The following TENM1 variants were observed in gnomAD, a reference collection of about 807,000 sequenced individuals.
TENM1 encodes the protein teneurin transmembrane protein 1, also known as teneurin-1.
In TENM1, 35 loss-of-function variants were observed where a neutral mutation model predicts 174.8. The ratio of observed to expected loss-of-function variants is 0.20; its 90% CI spans 0.15 to 0.27. The LOEUF is 0.27. Ranked by LOEUF, TENM1 falls within the 10% of genes least tolerant of loss-of-function variation. The probability of loss-of-function intolerance (pLI) is 1.00; values close to 1 mark genes in which losing one functional copy is unlikely to be tolerated. For synonymous variants in TENM1, 781 were observed against 798.7 expected (o/e 0.98, Z 0.37); for missense variants, 1,633 against 2,130.1 (o/e 0.77, Z 4.59).
At chrX:124,463,687 G>A (rs6655792) in intron 22 of TENM1, among the ~76,000 whole-genome samples, 22,573 of 110,637 alleles carry the variant, frequency 0.2, 1,904 homozygotes, top group African/African-American at 0.27. Context: ...TAAAGTTTCC[G>A]TACACAGAAT....
intron 11 of TENM1, among the ~76,000 whole-genome samples, chrX:124,612,727 T>C (rs2050307045): frequency 9.0e-6 from 1 of 110,949 alleles, no homozygotes; most frequent in Non-Finnish European, 1.9e-5. Context: ...CTGAATGACC[T>C]CCTTCTTTTC....
intron 3 of TENM1, among the ~76,000 whole-genome samples, chrX:124,849,039 A>G (rs2056666912): frequency 1.8e-5 from 2 of 111,807 alleles, no homozygotes; most frequent in Admixed American, 1.9e-4. Context: ...ATATTTTTAA[A>G]GTAAAATTAT....
At chrX:124,874,489 TTGAC>T (rs1163511114) in intron 3 of TENM1, among the ~76,000 whole-genome samples, 3 of 110,209 alleles carry the variant, frequency 2.7e-5, no homozygotes, top group East Asian at 2.8e-4. Flanking sequence ...TAGGAGGAAA[TTGAC>T]TGTCTCTGTA....
the TENM1 span, among the ~76,000 whole-genome samples, chrX:124,990,432 A>G: frequency 8.8e-6 from 1 of 113,100 alleles, no homozygotes; most frequent in African/African-American, 3.2e-5. Flanking sequence ...GCTCTAGAGA[A>G]TCAACAAATC....
At chrX:125,200,648 T>TGA in the TENM1 span, among the ~76,000 whole-genome samples, 6 of 60,139 alleles carry the variant, frequency 1.0e-4, no homozygotes, top group African/African-American at 5.2e-4. Context: ...TGTGTGTGTG[T>TGA]GTGTGTGAGA....
At chrX:124,838,922 AT>A (rs1466749704) in intron 3 of TENM1, among the ~76,000 whole-genome samples, 1 of 111,701 alleles carries the variant, frequency 9.0e-6, no homozygotes, top group Admixed American at 9.6e-5. Context: ...GTATTTGAAG[AT>A]AAAAACCGAA....
At chrX:124,525,674 T>C (rs1015326289) in intron 16 of TENM1, among the ~76,000 whole-genome samples, 4 of 112,325 alleles carry the variant, frequency 3.6e-5, no homozygotes, top group Admixed American at 1.9e-4. Context: ...CATCTTGTTT[T>C]GTAGAAAGAA....
chrX:124,776,208 C>T (rs2054779786), intron 3 of TENM1, among the ~76,000 whole-genome samples: 2 of 111,596 alleles, frequency 1.8e-5, no homozygotes, highest in Non-Finnish European at 3.8e-5. Flanking sequence ...ACTACAGACC[C>T]TTGCTGAAAG....
intron 5 of TENM1, among the ~76,000 whole-genome samples, chrX:124,693,115 C>G (rs1254912106): frequency 9.3e-6 from 1 of 107,739 alleles, no homozygotes; most frequent in Non-Finnish European, 1.9e-5. Flanking sequence ...GATTTTCTTT[C>G]TTTTACAAAT....
intron 3 of TENM1, among the ~76,000 whole-genome samples, chrX:124,787,009 C>T (rs1033779952): frequency 8.1e-5 from 9 of 111,719 alleles, no homozygotes; most frequent in South Asian, 3.7e-4. Flanking sequence ...TCTGTACTCA[C>T]GGGAGTCTTA....
chrX:124,896,049 G>A, exon 2 of TENM1: 1 of 1,211,353 alleles, frequency 8.3e-7, no homozygotes, highest in East Asian at 3.0e-5. Flanking sequence ...GGCCCGGCTG[G>A]ACAAACAGGA....
At chrX:124,568,607 T>G (rs1037405296) in intron 11 of TENM1, among the ~76,000 whole-genome samples, 9 of 111,653 alleles carry the variant, frequency 8.1e-5, no homozygotes, top group African/African-American at 2.9e-4. Context: ...GGAATTCTGT[T>G]TCTAGTAATA....
the TENM1 span, among the ~76,000 whole-genome samples, chrX:125,110,598 T>C: frequency 1.8e-5 from 2 of 110,306 alleles, no homozygotes; most frequent in East Asian, 2.9e-4. Context: ...TTTTTTTTTT[T>C]CCTTCTGGGT....
chrX:124,667,368 T>C (rs1037823135), intron 6 of TENM1, among the ~76,000 whole-genome samples: 2 of 110,347 alleles, frequency 1.8e-5, no homozygotes, highest in African/African-American at 6.6e-5. Flanking sequence ...GGCAGGTGGA[T>C]CACTTGAGGT....
the TENM1 span, among the ~76,000 whole-genome samples, chrX:125,072,680 G>A: frequency 2.7e-5 from 3 of 110,848 alleles, no homozygotes; most frequent in Non-Finnish European, 3.8e-5. Context: ...AAACCTGCAC[G>A]TTGTGCACAT....
intron 11 of TENM1, among the ~76,000 whole-genome samples, chrX:124,610,566 T>C (rs2050257174): frequency 9.0e-6 from 1 of 111,128 alleles, no homozygotes; most frequent in Non-Finnish European, 1.9e-5. Flanking sequence ...ACTAAGCATG[T>C]GTAATCAAAT....
intron 4 of TENM1, among the ~76,000 whole-genome samples, chrX:124,735,731 T>C (rs1472164995): frequency 1.8e-5 from 2 of 111,894 alleles, no homozygotes; most frequent in South Asian, 3.8e-4. Context: ...GTGGTATATA[T>C]ACACCATAGA....
chrX:124,613,548 C>T (rs890934585), intron 11 of TENM1, among the ~76,000 whole-genome samples: 4 of 111,650 alleles, frequency 3.6e-5, no homozygotes, highest in African/African-American at 1.3e-4. Flanking sequence ...TCATATGGGT[C>T]AGGAGGTTAT....
At chrX:124,703,653 T>C (rs1182189041) in intron 5 of TENM1, among the ~76,000 whole-genome samples, 1 of 111,879 alleles carries the variant, frequency 8.9e-6, no homozygotes, top group Non-Finnish European at 1.9e-5. Flanking sequence ...AAACTTTTTA[T>C]ATTATTCCTT....
Sources: allele counts gnomAD v4.1 joint callset (sites outside exome capture counted in the v4.1 genomes callset), GRCh38; gene constraint gnomAD v4.1.1; transcripts MANE v1.5; gene names NCBI Gene and HGNC (gene_info 2026-07-23, HGNC 2026-07-21).